The following GNB4 variants were observed in gnomAD, a reference collection of about 807,000 sequenced individuals.
The protein encoded by GNB4 is G protein subunit beta 4, also known as guanine nucleotide-binding protein subunit beta-4.
GNB4 carries 28 observed loss-of-function variants against 45.2 expected under a neutral mutation model. The ratio of observed to expected loss-of-function variants is 0.62; its 90% CI spans 0.46 to 0.85. The LOEUF is 0.85. GNB4 is among the 40% of genes least tolerant of loss of function. The pLI, the probability that GNB4 is intolerant of heterozygous loss-of-function variation, is 0.00. For missense variants in GNB4, 321 were observed against 425.4 expected (o/e 0.75, Z 2.16); for synonymous variants, 132 against 143.7 (o/e 0.92, Z 0.58).
chr3:179,440,544 G>A (rs770453510), intron 1 of GNB4, among the ~76,000 whole-genome samples: 1 of 151,912 alleles, frequency 6.6e-6, no homozygotes, highest in Non-Finnish European at 1.5e-5. Flanking sequence ...TTGTGATTAC[G>A]TTTTCTGAAC....
the GNB4 span, among the ~76,000 whole-genome samples, chr3:179,502,012 G>A: frequency 8.6e-5 from 13 of 151,878 alleles, no homozygotes; most frequent in Non-Finnish European, 1.8e-4. Flanking sequence ...ATATTTTAAA[G>A]AAAAATCCCC....
chr3:179,464,287 C>T, the GNB4 span: 1 of 540,076 alleles, frequency 1.9e-6, no homozygotes, highest in African/African-American at 1.9e-5. Context: ...AGAGAGACTC[C>T]ATCTCTACTA....
the GNB4 span, among the ~76,000 whole-genome samples, chr3:179,462,410 G>A: frequency 1.3e-5 from 2 of 152,088 alleles, no homozygotes; most frequent in South Asian, 4.1e-4. Flanking sequence ...TTGACAATAA[G>A]CATGGCATAC....
At chr3:179,459,084 G>C in the GNB4 span, among the ~76,000 whole-genome samples, 1 of 152,146 alleles carries the variant, frequency 6.6e-6, no homozygotes. Flanking sequence ...GGGAGATTTA[G>C]GCTCAGAGAA....
chr3:179,503,204 G>A, the GNB4 span, among the ~76,000 whole-genome samples: 1 of 152,136 alleles, frequency 6.6e-6, no homozygotes, highest in Non-Finnish European at 1.5e-5. Context: ...CATAAATATT[G>A]AACAAAGAAT....
chr3:179,478,933 A>G, the GNB4 span, among the ~76,000 whole-genome samples: 1 of 152,132 alleles, frequency 6.6e-6, no homozygotes, highest in Non-Finnish European at 1.5e-5. Context: ...AGCTCCAGCC[A>G]TGTGAAGACG....
chr3:179,496,126 T>C, the GNB4 span, among the ~76,000 whole-genome samples: 1 of 152,160 alleles, frequency 6.6e-6, no homozygotes, highest in South Asian at 2.1e-4. Context: ...GAAATAATGA[T>C]ATCTACAATT....
At chr3:179,403,896 T>C (rs1416197847) in intron 9 of GNB4, among the ~76,000 whole-genome samples, 1 of 151,482 alleles carries the variant, frequency 6.6e-6, no homozygotes, top group Admixed American at 6.6e-5. Flanking sequence ...ATTTTCAACA[T>C]AATGGGAGAT....
In GNB4 at chr3:179,405,195, C is replaced by T. The variant is rs771664047; in HGVS notation, c.911G>A (p.Arg304His). The change falls in exon 9 of 10, where the codon CGT (arginine) becomes CAT (histidine). Residue 304 changes from arginine (R) to histidine (H), a missense_variant. By Grantham distance (29) the Arg-to-His change is conservative (BLOSUM62 0). Transcript: ENST00000232564. ...CNVWDTLKGD[R>H]AGVLAGHDNR... The stretch of plus-strand genomic sequence containing the variant: ...ATGTGGACTTATTTACTAACCTGCA[C>T]GATCTCCTTTTAGCGTGTCCCATAC... 28 of 1,612,120 alleles carry T rather than the reference C, an allele frequency of 1.7e-5. No individual in the cohort carries two copies. Among genetic ancestry groups the T allele is most frequent in the African/African-American group, 1.7e-4 (13 of 74,858 alleles).
At position 179,414,811 on chromosome 3, in the gene GNB4, C is replaced by CT. The variant is rs1714749879; in HGVS notation, c.430+73dup. ...CATCCTTTAGCCAGCCGAGCACAAT[C>CT]TGTCATTTGTCCTTGATCAGCACAT... On this transcript the variant is annotated intron_variant, in intron 6 of 9. Coordinates refer to ENST00000232564, the MANE Select transcript of GNB4 (RefSeq NM_021629.4). 32 of 1,233,004 alleles carry CT rather than the reference C, an allele frequency of 2.6e-5. No homozygotes were observed. The South Asian group carries it at 5.8e-4, about 22-fold the overall frequency. The allele number at this position is 1,233,004 out of a possible 1,614,324, so 76.4% of individuals were successfully genotyped here.
the GNB4 span, among the ~76,000 whole-genome samples, chr3:179,502,436 T>C: frequency 2.0e-5 from 3 of 152,016 alleles, no homozygotes; most frequent in African/African-American, 4.8e-5. Context: ...TTTCACTATG[T>C]TGGCCACGCT....
At chr3:179,509,113 C>A in the GNB4 span, among the ~76,000 whole-genome samples, 1 of 150,838 alleles carries the variant, frequency 6.6e-6, no homozygotes, top group African/African-American at 2.4e-5. Flanking sequence ...TCCCACTCAA[C>A]AAACCAAGTT....
the GNB4 span, among the ~76,000 whole-genome samples, chr3:179,501,730 C>T: frequency 5.6e-4 from 86 of 152,288 alleles, 2 homozygotes; most frequent in Middle Eastern, 6.8e-3. Context: ...TTCCACATCT[C>T]AGTAAATATC....
chr3:179,413,444 T>C lies in GNB4; in HGVS notation c.667A>G (p.Thr223Ala). The C allele has an allele frequency of 6.2e-7, 1 of 1,613,966 alleles. No homozygotes were observed. Among genetic ancestry groups the C allele is most frequent in the Non-Finnish European group, 8.5e-7 (1 of 1,179,902 alleles). The change falls in exon 8 of 10, where the codon ACG becomes GCG. Residue 223 changes from threonine (T) to alanine (A), a missense_variant. By Grantham distance (58) the Thr-to-Ala change is moderately conservative (BLOSUM62 0). Transcript: ENST00000232564. ...IRDGMCRQSF[T>A]GHVSDINAVS... The stretch of plus-strand genomic sequence containing the variant: ...GCATTGATATCTGAGACATGTCCCG[T>C]GAAAGACTGTCTACACATTCCATCT...
At chr3:179,490,914 TAA>T in the GNB4 span, among the ~76,000 whole-genome samples, 3 of 152,160 alleles carry the variant, frequency 2.0e-5, no homozygotes, top group African/African-American at 2.4e-5. Context: ...CATCACAGGC[TAA>T]GAGCCTTATG....
rs1166385089 is a variant in GNB4, at chr3:179,438,442, C to T, written c.-42-12200G>A. On this transcript the variant is annotated intron_variant, in intron 1 of 9. Transcript: ENST00000232564. ...GGATTGTTTTGGGAATTAAATAATA[C>T]ACATTTTTTAATGTCTTGGGAAATT... Among the ~76,000 whole-genome samples the T allele has an allele frequency of 2.6e-5, 4 of 152,196 alleles. No homozygotes were observed. In the East Asian group the frequency reaches 7.7e-4, roughly 29 times the overall value.
the GNB4 span, among the ~76,000 whole-genome samples, chr3:179,479,727 G>A: frequency 6.6e-6 from 1 of 152,082 alleles, no homozygotes; most frequent in Non-Finnish European, 1.5e-5. Flanking sequence ...ACGTGTAAGA[G>A]CATCTGTTAA....
chr3:179,412,577 A>G (rs1272856176), intron 8 of GNB4, among the ~76,000 whole-genome samples: 3 of 152,148 alleles, frequency 2.0e-5, no homozygotes, highest in Non-Finnish European at 4.4e-5. Flanking sequence ...TATTATCCCT[A>G]TTTTAAAAAC....
At position 179,413,551 on chromosome 3, in the gene GNB4, A is replaced by G. The variant is rs1714711319; in HGVS notation, c.560T>C (p.Val187Ala). The change falls in exon 8 of 10, where the codon GTG (valine) becomes GCG (alanine). Residue 187 changes from valine (V) to alanine (A), a missense_variant. By Grantham distance (64) the Val-to-Ala change is moderately conservative. Transcript: ENST00000232564. ...TTTFTGHSGD[V>A]MSLSLSPDMR... ...GTCAGGACTCAAAGAAAGACTCATC[A>G]CATCTCCAGAATGCCCAGTGAATGT... is the stretch of plus-strand genomic sequence containing the variant. The G allele has an allele frequency of 1.2e-6, 2 of 1,614,184 alleles. No homozygotes were observed. The highest frequency in any genetic ancestry group is 8.5e-7 in the Non-Finnish European group (1 of 1,180,034).
Sources: allele counts gnomAD v4.1 joint callset (sites outside exome capture counted in the v4.1 genomes callset), GRCh38; gene constraint gnomAD v4.1.1; transcripts MANE v1.5; gene names NCBI Gene and HGNC (gene_info 2026-07-23, HGNC 2026-07-21).